SYT17: variants seen among roughly 807,000 people sequenced by gnomAD.
SYT17 encodes synaptotagmin 17, also known as synaptotagmin-17.
A neutral mutation model predicts 46.7 loss-of-function variants in SYT17; 22 were observed. That is an observed-to-expected ratio of 0.47 (90% CI 0.34 to 0.67). The LOEUF is 0.67. Ranked by LOEUF, SYT17 falls within the 30% of genes least tolerant of loss-of-function variation. SYT17 has a pLI of 0.01. For synonymous variants in SYT17, 251 were observed against 248.4 expected (o/e 1.01, Z -0.10); for missense variants, 519 against 612.8 (o/e 0.85, Z 1.62).
chr16:19,189,812 T>C (rs1964942712), intron 5 of SYT17, among the ~76,000 whole-genome samples: 1 of 152,250 alleles, frequency 6.6e-6, no homozygotes, highest in South Asian at 2.1e-4. Context: ...GTTGAGCTAA[T>C]GCTTAGTGTC....
Position 19,168,917 on chromosome 16 carries a change from A to G in SYT17, c.15+256A>G, listed in dbSNP as rs1446030772. 6.7e-6 allele frequency among the ~76,000 whole-genome samples: 1 copy of G among 149,374 alleles called. No homozygotes were observed. Among genetic ancestry groups the G allele is most frequent in the African/African-American group, 2.4e-5 (1 of 40,956 alleles). The stretch of plus-strand genomic sequence containing the variant: ...CGCGCCCTTGCCTCTTGGGGAGGGA[A>G]TGGGGGGTGGGGCGGACTTTTCTTC... On this transcript the variant is annotated intron_variant, in intron 1 of 7. Coordinates refer to ENST00000355377, the MANE Select transcript of SYT17 (RefSeq NM_016524.4). This position sits in a 1 kb window ranked among gnomAD's most constrained non-coding sequence, Gnocchi z 6.9.
chr16:19,213,790 G>A (rs1031619476), intron 5 of SYT17, among the ~76,000 whole-genome samples: 2 of 152,142 alleles, frequency 1.3e-5, no homozygotes, highest in Non-Finnish European at 2.9e-5. Context: ...TCAGCCTCCC[G>A]AGTAGTTGGG....
In SYT17 at chr16:19,173,459, G is replaced by C. The variant is rs759970310; in HGVS notation, c.63G>C (p.Leu21=). The C allele has an allele frequency of 6.2e-7, 1 of 1,602,038 alleles. No individual in the cohort carries two copies. The highest frequency in any genetic ancestry group is 8.5e-7 in the Non-Finnish European group (1 of 1,177,246). ...TTCTTTCTAGAATCTCTGGTCTGCTGCTGTGCAGATGGACCTGCCGGCACT... is the reference window on the plus strand; with the variant it reads ...TTCTTTCTAGAATCTCTGGTCTGCTCCTGTGCAGATGGACCTGCCGGCACT... ...EGFLSRISGL[L]LCRWTCRHCC... The change falls in exon 3 of 8, where the codon CTG becomes CTC. Residue 21 remains leucine (L), a synonymous_variant. Transcript: ENST00000355377.
Position 19,257,197 on chromosome 16 carries a change from A to C in SYT17, c.1229-9683A>C, listed in dbSNP as rs991062705. Among the ~76,000 whole-genome samples, 9 of 152,290 alleles carry C rather than the reference A, an allele frequency of 5.9e-5. No homozygotes were observed. The South Asian group carries it at 1.9e-3, about 32-fold the overall frequency. On this transcript the variant is annotated intron_variant, in intron 7 of 7. Coordinates refer to ENST00000355377, the MANE Select transcript of SYT17 (RefSeq NM_016524.4). The stretch of plus-strand genomic sequence containing the variant: ...GTTGGAAGGAAAAACATGAAAAAAA[A>C]GTTCTGTCCCAGCAGCTGCTGTGAA...
At chr16:19,240,103 G>A (rs1410370424) in intron 7 of SYT17, among the ~76,000 whole-genome samples, 1 of 152,192 alleles carries the variant, frequency 6.6e-6, no homozygotes, top group Non-Finnish European at 1.5e-5. Flanking sequence ...CCTGGGCCTG[G>A]GCCCTCTGAA....
At chr16:19,262,962 T>A (rs1398494008) in intron 7 of SYT17, among the ~76,000 whole-genome samples, 1 of 152,074 alleles carries the variant, frequency 6.6e-6, no homozygotes, top group Non-Finnish European at 1.5e-5. Flanking sequence ...AGTCTTGCCA[T>A]TTCCCGTTTT....
chr16:19,168,668 C>T lies in SYT17; in HGVS notation c.15+7C>T. 1 of 1,519,964 alleles carries T rather than the reference C, an allele frequency of 6.6e-7. No homozygotes were observed. Among genetic ancestry groups the T allele is most frequent in the Admixed American group, 2.1e-5 (1 of 48,418 alleles). The allele number at this position is 1,519,964 out of a possible 1,614,324, so 94.2% of individuals were successfully genotyped here. ...GAAAATGGCGTACATCCAGGTAGGG[C>T]TGAGGCTGGGGGCAAGGTCCGGGGT... is the stretch of plus-strand genomic sequence containing the variant. On this transcript the variant is annotated splice_region_variant and intron_variant, in intron 1 of 7. Transcript: ENST00000355377. The surrounding 1 kb of genome is among the most constrained non-coding windows in gnomAD (Gnocchi z 6.9).
chr16:19,176,446 G>A (rs957561472), intron 3 of SYT17, among the ~76,000 whole-genome samples: 1 of 152,090 alleles, frequency 6.6e-6, no homozygotes, highest in Non-Finnish European at 1.5e-5. Flanking sequence ...ACTTTTAAAG[G>A]ACCAAATAAT....
rs144342789 is a variant in SYT17 at position 19,263,588 on chromosome 16, C to T, written c.1229-3292C>T. On this transcript the variant is annotated intron_variant, in intron 7 of 7. Coordinates refer to ENST00000355377, the MANE Select transcript of SYT17 (RefSeq NM_016524.4). ...CCGGGAGGCAGAGGTTGCAGTGAGC[C>T]GAGATCACGCCACTGCATCCCAGCC... Among the ~76,000 whole-genome samples the T allele has an allele frequency of 6.2e-3, 864 of 140,400 alleles. 14 individuals are homozygous for T. Among genetic ancestry groups the T allele is most frequent in the African/African-American group, 0.023 (826 of 36,662 alleles). 92.1% of individuals were successfully genotyped at this position (140,400 alleles called of 152,430 possible).
intron 7 of SYT17, among the ~76,000 whole-genome samples, chr16:19,248,869 G>C (rs1967796103): frequency 6.6e-6 from 1 of 151,992 alleles, no homozygotes; most frequent in Non-Finnish European, 1.5e-5. Context: ...AAAAAGGAAG[G>C]ACATATTAGT....
intron 5 of SYT17, among the ~76,000 whole-genome samples, chr16:19,220,325 T>C (rs1204546289): frequency 6.7e-6 from 1 of 148,630 alleles, no homozygotes; most frequent in Non-Finnish European, 1.5e-5. Flanking sequence ...TTTTTTGAGA[T>C]GAAGTCTCGC....
intron 7 of SYT17, among the ~76,000 whole-genome samples, chr16:19,233,837 T>A (rs1351860101): frequency 5.3e-5 from 8 of 152,084 alleles, no homozygotes; most frequent in Admixed American, 1.3e-4. Flanking sequence ...AGGGCACAGA[T>A]GCTTCCCCAC....
At chr16:19,206,016 G>C (rs895588955) in intron 5 of SYT17, among the ~76,000 whole-genome samples, 1 of 152,056 alleles carries the variant, frequency 6.6e-6, no homozygotes, top group Non-Finnish European at 1.5e-5. Context: ...AAGGAAAGGA[G>C]AAAGAGAAAA....
chr16:19,194,036 A>T (rs1010128776), intron 5 of SYT17, among the ~76,000 whole-genome samples: 1 of 152,184 alleles, frequency 6.6e-6, no homozygotes, highest in Non-Finnish European at 1.5e-5. Flanking sequence ...AGGGCTCAGA[A>T]TGCGGCATCT....
At chr16:19,234,721 G>C (rs1246794713) in intron 7 of SYT17, among the ~76,000 whole-genome samples, 1 of 152,190 alleles carries the variant, frequency 6.6e-6, no homozygotes, top group African/African-American at 2.4e-5. Context: ...GTAAAGTGTA[G>C]CAATCATTCT....
intron 1 of SYT17, chr16:19,171,681 T>C (rs1964099028): frequency 6.6e-6 from 1 of 152,208 alleles, no homozygotes; most frequent in South Asian, 2.1e-4. Context: ...ATTTTTATTT[T>C]TACTTTAAAA....
At chr16:19,209,595 G>T (rs967665371) in intron 5 of SYT17, among the ~76,000 whole-genome samples, 42 of 152,186 alleles carry the variant, frequency 2.8e-4, no homozygotes, top group African/African-American at 9.9e-4. Context: ...TTTCGGCTGG[G>T]CGCGGTGGCT....
intron 7 of SYT17, among the ~76,000 whole-genome samples, chr16:19,242,305 G>A (rs952800148): frequency 6.6e-6 from 1 of 152,178 alleles, no homozygotes; most frequent in African/African-American, 2.4e-5. Context: ...TGATATATAA[G>A]CTGAGAAAGG....
intron 3 of SYT17, among the ~76,000 whole-genome samples, chr16:19,177,360 G>A (rs751720755): frequency 2.0e-5 from 3 of 152,176 alleles, no homozygotes; most frequent in Non-Finnish European, 4.4e-5. Flanking sequence ...GGATGAATGA[G>A]GTCTCTTCTG....
Sources: gnomAD v4.1 joint callset for allele counts (sites outside exome capture counted in the v4.1 genomes callset) on GRCh38, gnomAD v4.1.1 for gene constraint, Gnocchi (gnomAD v3.1) non-coding constraint, MANE v1.5 for transcripts, NCBI Gene and HGNC (gene_info 2026-07-23, HGNC 2026-07-21) for gene names.